CNTRL: variants seen among roughly 807,000 people sequenced by gnomAD.
The protein encoded by CNTRL is 110 kDa centrosomal protein.
In CNTRL, 233 loss-of-function variants were observed where a neutral mutation model predicts 303.7. The ratio of observed to expected loss-of-function variants is 0.77; its 90% CI spans 0.69 to 0.86. The LOEUF (loss-of-function observed/expected upper bound fraction) is 0.86, where lower values mean the gene tolerates loss of function less well. Among genes scored for constraint, CNTRL ranks in the 40% least tolerant of loss-of-function variants. CNTRL has a pLI of 0.00. For synonymous variants in CNTRL, 900 were observed against 922.2 expected (o/e 0.98, Z 0.44); for missense variants, 2,524 against 2,650.6 (o/e 0.95, Z 1.05).
At chr9:121,107,764 AT>A (rs1419569424) in intron 7 of CNTRL, 37 bp from the exon 8 acceptor site, 1 of 1,233,622 alleles carries the variant, frequency 8.1e-7, no homozygotes, top group Non-Finnish European at 1.1e-6. Context: ...AAAATAGGAA[AT>A]ATAATGATAA....
intron 26 of CNTRL, among the ~76,000 whole-genome samples, chr9:121,153,166 T>C (rs900460389): frequency 7.9e-5 from 12 of 152,342 alleles, no homozygotes; most frequent in African/African-American, 2.9e-4. Context: ...ATTAGTCTCA[T>C]CCTAGCGATT....
chr9:121,098,246 TC>T, intron 6 of CNTRL, 139 bp from the exon 7 acceptor site: 1 of 633,742 alleles, frequency 1.6e-6, no homozygotes, highest in Admixed American at 3.0e-5. Context: ...ATACTCCCTT[TC>T]CTGACACCAC....
intron 11 of CNTRL, 125 bp downstream of exon 11, chr9:121,115,325 T>A (rs562590003): frequency 6.9e-5 from 36 of 520,988 alleles, no homozygotes; most frequent in Non-Finnish European, 1.2e-4. Flanking sequence ...ATGATAAATT[T>A]CAGAGTCAAA....
At chr9:121,168,070 A>C (rs762970723) in intron 37 of CNTRL, 26 bp from the exon 38 acceptor site, 3 of 1,573,072 alleles carry the variant, frequency 1.9e-6, no homozygotes, top group Non-Finnish European at 2.6e-6. Flanking sequence ...TTGTTTAATG[A>C]CTAATCAAGA....
intron 34 of CNTRL, 93 bp from the exon 35 acceptor site, chr9:121,164,850 C>T: frequency 2.2e-6 from 2 of 906,210 alleles, no homozygotes; most frequent in Non-Finnish European, 3.2e-6. Flanking sequence ...TTATACTTTC[C>T]ATAACTGTAT....
intron 2 of CNTRL, among the ~76,000 whole-genome samples, chr9:121,084,411 AT>A (rs1351141374): frequency 6.6e-6 from 1 of 152,142 alleles, no homozygotes; most frequent in African/African-American, 2.4e-5. Flanking sequence ...ATTTTATGTT[AT>A]TTATGATTAA....
chr9:121,104,694 ATTTTTTTT>A (rs10693661), intron 7 of CNTRL, among the ~76,000 whole-genome samples: 2 of 96,450 alleles, frequency 2.1e-5, no homozygotes, highest in African/African-American at 3.9e-5. Flanking sequence ...GCCACTGGCA[ATTTTTTTT>A]TTTTTTTTTT....
chr9:121,128,158 C>A (rs140202958), intron 14 of CNTRL, among the ~76,000 whole-genome samples: 2,889 of 152,132 alleles, frequency 0.019, 93 homozygotes, highest in African/African-American at 0.066. Flanking sequence ...GGGTATATAC[C>A]CAGTAATGGG....
At position 121,142,164 on chromosome 9, in the gene CNTRL, A is replaced by G; in HGVS notation, c.2765A>G (p.Asn922Ser). 6.2e-7 allele frequency: 1 copy of G among 1,612,548 alleles called. No homozygotes were observed. The highest frequency in any genetic ancestry group is 1.7e-5 in the Admixed American group (1 of 59,814). Reference sequence around the variant, plus strand: ...AATGAAATTCACTATTTGCAAGAAAATCTAAAAAGTATGGAGGAAATCCAA... The same window carrying G: ...AATGAAATTCACTATTTGCAAGAAAGTCTAAAAAGTATGGAGGAAATCCAA... The part of the protein sequence containing the change: ...MENEIHYLQE[N>S]LKSMEEIQGL... The change falls in exon 19 of 44, where the codon AAT (asparagine) becomes AGT (serine). Residue 922 changes from asparagine to serine, a missense_variant. Coordinates refer to ENST00000373855, the MANE Select transcript of CNTRL (RefSeq NM_007018.6).
At chr9:121,156,983 G>T (rs966223438) in intron 27 of CNTRL, among the ~76,000 whole-genome samples, 4 of 152,126 alleles carry the variant, frequency 2.6e-5, no homozygotes, top group Non-Finnish European at 4.4e-5. Context: ...TATTTAAAAT[G>T]ATATAATAGT....
chr9:121,168,403 C>T lies in CNTRL; in HGVS notation c.6070+82C>T, dbSNP rs554318472. On this transcript the variant is annotated intron_variant, in intron 38 of 43. Coordinates refer to ENST00000373855, the MANE Select transcript of CNTRL (RefSeq NM_007018.6). ...GTCTTGCAAAAGTATTTAAAGAGAT[C>T]CGGACCCCAGCCAGAGCCCAGGAGA... 1.6e-3 allele frequency: 2,031 copies of T among 1,251,142 alleles called. 4 individuals are homozygous for T. Among genetic ancestry groups the T allele is most frequent in the Middle Eastern group, 2.7e-3 (12 of 4,500 alleles). 77.5% of individuals were successfully genotyped at this position (1,251,142 alleles called of 1,614,324 possible).
chr9:121,152,938 G>T (rs1242252127), intron 26 of CNTRL, among the ~76,000 whole-genome samples: 10 of 152,094 alleles, frequency 6.6e-5, no homozygotes, highest in African/African-American at 1.2e-4. Context: ...AGTTCTTTTG[G>T]CCAATAATAC....
At chr9:121,103,676 C>A (rs1308236085) in intron 7 of CNTRL, among the ~76,000 whole-genome samples, 1 of 152,146 alleles carries the variant, frequency 6.6e-6, no homozygotes, top group Admixed American at 6.5e-5. Flanking sequence ...TATCCAGAAT[C>A]TACAAAGAAC....
rs751020635 is a variant in CNTRL at position 121,150,426 on chromosome 9, C to T, written c.3906C>T (p.Ser1302=). The T allele has an allele frequency of 1.2e-6, 2 of 1,614,192 alleles. No individual in the cohort carries two copies. Among genetic ancestry groups the T allele is most frequent in the South Asian group, 1.1e-5 (1 of 91,084 alleles). ...ATGGGCCTCCACCCCCCAACTTCTC[C>T]ATCCCCTTCATCCCTATGGGTGTGC... ...MVYGPPPPNF[S]IPFIPMGVLH... Residue 1302 remains serine, a synonymous_variant, in exon 25 of 44, where the codon TCC becomes TCT. Transcript: ENST00000373855.
At chr9:121,150,990 G>A (rs1270468730) in intron 25 of CNTRL, among the ~76,000 whole-genome samples, 2 of 152,176 alleles carry the variant, frequency 1.3e-5, no homozygotes, top group Non-Finnish European at 2.9e-5. Flanking sequence ...ACACATGTAT[G>A]TGCACGTGTA....
At chr9:121,091,298 A>G (rs1053063112) in intron 4 of CNTRL, among the ~76,000 whole-genome samples, 1 of 152,258 alleles carries the variant, frequency 6.6e-6, no homozygotes, top group Non-Finnish European at 1.5e-5. Flanking sequence ...TCTACCACGT[A>G]TTATTCACAA....
intron 6 of CNTRL, among the ~76,000 whole-genome samples, chr9:121,096,925 G>C (rs1373470622): frequency 6.6e-6 from 1 of 151,396 alleles, no homozygotes; most frequent in Non-Finnish European, 1.5e-5. Context: ...GTCACATTTT[G>C]TGCCAGGATC....
At chr9:121,079,221 GT>G (rs2131996580) in intron 1 of CNTRL, among the ~76,000 whole-genome samples, 1 of 152,260 alleles carries the variant, frequency 6.6e-6, no homozygotes, top group East Asian at 1.9e-4. Flanking sequence ...CACAAAAATT[GT>G]TTACCACGCT....
intron 28 of CNTRL, 59 bp from the exon 29 acceptor site, chr9:121,157,681 T>C: frequency 1.2e-6 from 2 of 1,606,466 alleles, no homozygotes; most frequent in South Asian, 1.1e-5. Context: ...AATTGGTTTA[T>C]GATAAATAAT....
Sources: gnomAD v4.1 joint callset for allele counts (sites outside exome capture counted in the v4.1 genomes callset) on GRCh38, gnomAD v4.1.1 for gene constraint, MANE v1.5 for transcripts, NCBI Gene and HGNC (gene_info 2026-07-23, HGNC 2026-07-21) for gene names.